The following RIC8B variants were observed in gnomAD, a reference collection of about 807,000 sequenced individuals.
RIC8B encodes the protein RIC8 guanine nucleotide exchange factor B.
Under a neutral mutation model 57.5 loss-of-function variants are expected in RIC8B, and 16 were observed. The observed-to-expected ratio is 0.28, with a 90% CI of 0.19 to 0.42. RIC8B has a LOEUF of 0.42. Among genes scored for constraint, RIC8B ranks in the 10% least tolerant of loss-of-function variants. The pLI is 1.00. For missense variants in RIC8B, 481 were observed against 677.0 expected, an observed-to-expected ratio of 0.71 and a Z score of 3.21; for synonymous variants, 216 against 250.8, an observed-to-expected ratio of 0.86 and a Z score of 1.31.
intron 9 of RIC8B, among the ~76,000 whole-genome samples, chr12:106,873,423 G>A (rs1950531705): frequency 6.6e-6 from 1 of 152,150 alleles, no homozygotes; most frequent in Non-Finnish European, 1.5e-5. Flanking sequence ...TTCCAAAGCA[G>A]TAATGCAAAG....
intron 8 of RIC8B, among the ~76,000 whole-genome samples, chr12:106,866,172 T>C (rs905400848): frequency 7.7e-5 from 11 of 142,770 alleles, no homozygotes; most frequent in Non-Finnish European, 1.6e-4. Flanking sequence ...AGAGGAGTTT[T>C]TGTTTTTTTG....
At chr12:106,849,266 A>G (rs1322504010) in intron 6 of RIC8B, among the ~76,000 whole-genome samples, 1 of 151,220 alleles carries the variant, frequency 6.6e-6, no homozygotes, top group African/African-American at 2.4e-5. Context: ...ACAATTAAAA[A>G]AATTTTTTTC....
intron 2 of RIC8B, among the ~76,000 whole-genome samples, chr12:106,794,214 G>A (rs1392336014): frequency 6.6e-6 from 1 of 152,056 alleles, no homozygotes; most frequent in Non-Finnish European, 1.5e-5. Flanking sequence ...ACTGGCAGAA[G>A]AAAGAATAAG....
intron 2 of RIC8B, among the ~76,000 whole-genome samples, chr12:106,807,727 TAA>T (rs1000936887): frequency 1.3e-5 from 2 of 151,904 alleles, no homozygotes; most frequent in Non-Finnish European, 1.5e-5. Context: ...GTCTAACAAT[TAA>T]ACTGTTAGAT....
chr12:106,858,026 C>T (rs925411365), intron 7 of RIC8B, among the ~76,000 whole-genome samples: 3 of 152,124 alleles, frequency 2.0e-5, no homozygotes, highest in South Asian at 4.1e-4. Flanking sequence ...GGAGTTGACA[C>T]GATTTTCATA....
chr12:106,825,512 G>A (rs1211530284), intron 3 of RIC8B, among the ~76,000 whole-genome samples: 1 of 152,186 alleles, frequency 6.6e-6, no homozygotes, highest in Non-Finnish European at 1.5e-5. Flanking sequence ...AAATGAGAGT[G>A]GCTAGGTCAG....
intron 4 of RIC8B, among the ~76,000 whole-genome samples, chr12:106,832,718 C>T (rs1295291923): frequency 1.3e-5 from 2 of 152,108 alleles, no homozygotes; most frequent in Non-Finnish European, 2.9e-5. Context: ...ATCTTGCTGA[C>T]CTCTTAAGAG....
intron 2 of RIC8B, among the ~76,000 whole-genome samples, chr12:106,799,085 G>A (rs1032646016): frequency 6.6e-6 from 1 of 152,190 alleles, no homozygotes; most frequent in African/African-American, 2.4e-5. Flanking sequence ...TCAGGGTGGT[G>A]TACATAGGTG....
At position 106,815,009 on chromosome 12, in the gene RIC8B, G is replaced by C. The variant is rs2045507007; in HGVS notation, c.446G>C (p.Arg149Thr). 6.2e-7 allele frequency: 1 copy of C among 1,614,222 alleles called. No homozygotes were observed. The highest frequency in any genetic ancestry group is 1.3e-5 in the African/African-American group (1 of 75,074). ...NLAAKLCNLL[R>T]KCKDRKFIND... ...GCTGCAAAGCTCTGTAACCTCCTGA[G>C]AAAGTGCAAGGACCGGAAATTTATC... The change falls in exon 3 of 10, where the codon AGA becomes ACA. Residue 149 changes from arginine to threonine, a missense_variant. This residue lies in a region of RIC8B where 421 missense variants were observed against 560.9 expected (regional missense o/e 0.75). Coordinates refer to ENST00000392837, the MANE Select transcript of RIC8B (RefSeq NM_001330145.2).
intron 2 of RIC8B, among the ~76,000 whole-genome samples, chr12:106,792,661 G>A (rs2136199248): frequency 6.6e-6 from 1 of 152,276 alleles, no homozygotes; most frequent in South Asian, 2.1e-4. Flanking sequence ...AAGTGGGCCG[G>A]ATGCTGTGTC....
At chr12:106,802,657 A>C (rs527411093) in intron 2 of RIC8B, among the ~76,000 whole-genome samples, 1 of 150,294 alleles carries the variant, frequency 6.7e-6, no homozygotes, top group Middle Eastern at 3.5e-3. Context: ...TTAGCCCAGA[A>C]TTTCTTTTAA....
Position 106,846,159 on chromosome 12 carries a change from G to A in RIC8B, c.1161+2212G>A, listed in dbSNP as rs560378010. ...GCCCTGACCTGTCACCTAAGCTCTA[G>A]ACTTATACAGTGAACTGCCGACTCA... On this transcript the variant is annotated intron_variant, in intron 6 of 9. Coordinates refer to ENST00000392837, the MANE Select transcript of RIC8B (RefSeq NM_001330145.2). Among the ~76,000 whole-genome samples, 4 of 152,236 alleles carry A rather than the reference G, an allele frequency of 2.6e-5. No homozygotes were observed. In the East Asian group the frequency reaches 7.7e-4, roughly 29 times the overall value.
chr12:106,859,902 C>T (rs1267614331), intron 7 of RIC8B, among the ~76,000 whole-genome samples: 1 of 152,104 alleles, frequency 6.6e-6, no homozygotes, highest in East Asian at 1.9e-4. Flanking sequence ...ATCTGACTTT[C>T]ACTCTCTCTA....
At chr12:106,830,926 T>C (rs1167620898) in intron 4 of RIC8B, among the ~76,000 whole-genome samples, 2 of 152,192 alleles carry the variant, frequency 1.3e-5, no homozygotes, top group African/African-American at 2.4e-5. Context: ...AAATAATAAT[T>C]GCTAATAGAA....
chr12:106,822,540 T>G (rs1261756851), intron 3 of RIC8B: 1 of 152,228 alleles, frequency 6.6e-6, no homozygotes, highest in African/African-American at 2.4e-5. Context: ...TGTGGCATAT[T>G]CATACATTGG....
At chr12:106,862,528 T>A (rs1220775026) in intron 8 of RIC8B, among the ~76,000 whole-genome samples, 3 of 152,002 alleles carry the variant, frequency 2.0e-5, no homozygotes, top group East Asian at 1.9e-4. Context: ...TTGTAAAAAA[T>A]TTTTTACCAA....
intron 9 of RIC8B, chr12:106,873,049 A>G (rs1175243377): frequency 3.0e-6 from 3 of 985,324 alleles, no homozygotes; most frequent in African/African-American, 3.5e-5. Context: ...CACATATTCT[A>G]GAAGCTGCCA....
At chr12:106,783,788 G>A (rs1324629218) in intron 1 of RIC8B, among the ~76,000 whole-genome samples, 3 of 152,058 alleles carry the variant, frequency 2.0e-5, no homozygotes, top group Non-Finnish European at 4.4e-5. Flanking sequence ...GGTTTGCTGT[G>A]CTCCTTTGTA....
intron 7 of RIC8B, among the ~76,000 whole-genome samples, chr12:106,853,100 A>G (rs940076349): frequency 1.3e-5 from 2 of 152,170 alleles, no homozygotes; most frequent in African/African-American, 4.8e-5. Context: ...TAATTTTTCT[A>G]TAATGAACAT....
Sources: gnomAD v4.1 joint callset for allele counts (sites outside exome capture counted in the v4.1 genomes callset) on GRCh38, gnomAD v4.1.1 for gene constraint, gnomAD v4.1.1 regional missense constraint, MANE v1.5 for transcripts, NCBI Gene and HGNC (gene_info 2026-07-23, HGNC 2026-07-21) for gene names.